Variants in CNOT10 observed in about 807,000 individuals in gnomAD.
The protein encoded by CNOT10 is CCR4-NOT transcription complex, subunit 10.
CNOT10 carries 30 observed loss-of-function variants against 94.6 expected under a neutral mutation model. That is an observed-to-expected ratio of 0.32 (90% CI 0.24 to 0.43). CNOT10 has a LOEUF of 0.43. Ranked by LOEUF, CNOT10 falls within the 20% of genes least tolerant of loss-of-function variation. The probability of loss-of-function intolerance (pLI) is 1.00; values close to 1 mark genes in which losing one functional copy is unlikely to be tolerated. For synonymous variants in CNOT10, 289 were observed against 301.6 expected, an observed-to-expected ratio of 0.96 and a Z score of 0.43; for missense variants, 759 against 877.2, an observed-to-expected ratio of 0.87 and a Z score of 1.70.
intron 1 of CNOT10, chr3:32,693,543 CTT>C (rs374393225): frequency 2.8e-4 from 39 of 136,962 alleles, no homozygotes; most frequent in African/African-American, 2.9e-4. Flanking sequence ...ATATATTGGT[CTT>C]TTTTTTTTTT....
At chr3:32,724,540 G>A (rs917226785) in intron 8 of CNOT10, among the ~76,000 whole-genome samples, 1 of 151,690 alleles carries the variant, frequency 6.6e-6, no homozygotes, top group African/African-American at 2.4e-5. Context: ...AGCCTCCCGA[G>A]TAGCTGGGAC....
At chr3:32,736,015 A>G (rs1039543228) in intron 12 of CNOT10, among the ~76,000 whole-genome samples, 2 of 152,062 alleles carry the variant, frequency 1.3e-5, no homozygotes, top group Non-Finnish European at 2.9e-5. Flanking sequence ...CAAAACACAT[A>G]CCATTATATA....
chr3:32,732,346 C>T lies in CNOT10; in HGVS notation c.1216-1077C>T, dbSNP rs186349973. On this transcript the variant is annotated intron_variant, in intron 10 of 18. Transcript: ENST00000328834. ...TGAAGGTTGCAGTGAGCCGAGACAA[C>T]ACCGCTGCACCCAAGCCTAAAGAAA... is the stretch of plus-strand genomic sequence containing the variant. 1.3e-3 allele frequency among the ~76,000 whole-genome samples: 204 copies of T among 151,912 alleles called. 1 individual carries two copies. Among genetic ancestry groups the T allele is most frequent in the African/African-American group, 4.7e-3 (195 of 41,394 alleles).
rs200752388 is a variant in CNOT10 at position 32,764,693 on chromosome 3, G to C, written c.1888G>C (p.Ala630Pro). The C allele has an allele frequency of 4.2e-5, 68 of 1,613,900 alleles. No individual in the cohort carries two copies. The East Asian group carries it at 1.4e-3, about 34-fold the overall frequency. Residue 630 changes from alanine to proline, a missense_variant, in exon 17 of 19, where the codon GCC becomes CCC. This residue lies in a region of CNOT10 where 682 missense variants were observed against 799.4 expected (regional missense o/e 0.85). Coordinates refer to ENST00000328834, the MANE Select transcript of CNOT10 (RefSeq NM_015442.3). ...CTCTTTTTCCCCAGCTGGTAAGCGG[G>C]CCCCTCAGTGCTACCCCAGTTCCGT... ...NEAMESSGKR[A>P]PQCYPSSVNS...
intron 13 of CNOT10, chr3:32,753,039 G>A (rs1274460298): frequency 4.0e-6 from 2 of 496,384 alleles, no homozygotes; most frequent in African/African-American, 4.0e-5. Context: ...GAAACCAAAT[G>A]ATGCATAATA....
chr3:32,761,649 C>T (rs1172989388), intron 14 of CNOT10, among the ~76,000 whole-genome samples: 1 of 151,468 alleles, frequency 6.6e-6, no homozygotes, highest in African/African-American at 2.4e-5. Context: ...TCTGCCTCCC[C>T]AGTTCAAGGG....
intron 3 of CNOT10, among the ~76,000 whole-genome samples, chr3:32,706,148 AT>A (rs1212387104): frequency 6.6e-6 from 1 of 152,098 alleles, no homozygotes; most frequent in Non-Finnish European, 1.5e-5. Flanking sequence ...GTCTTCATAA[AT>A]TTGTATGTCC....
intron 17 of CNOT10, among the ~76,000 whole-genome samples, chr3:32,768,171 A>T (rs1165387603): frequency 6.6e-6 from 1 of 152,196 alleles, no homozygotes; most frequent in African/African-American, 2.4e-5. Flanking sequence ...ATTAAGTATC[A>T]TAAAGATGTT....
chr3:32,722,980 T>C (rs1698491789), intron 8 of CNOT10, among the ~76,000 whole-genome samples: 1 of 152,218 alleles, frequency 6.6e-6, no homozygotes, highest in Non-Finnish European at 1.5e-5. Flanking sequence ...GTCAGAAGAT[T>C]ACCTTTAGAT....
Position 32,703,947 on chromosome 3 carries a change from T to G in CNOT10, c.102T>G (p.Ala34=), listed in dbSNP as rs540296411. The G allele has an allele frequency of 9.3e-6, 15 of 1,610,956 alleles. No individual in the cohort carries two copies. The highest frequency in any genetic ancestry group is 1.0e-5 in the Non-Finnish European group (12 of 1,177,336). ...TDQEKELSTN[A]FQAFTSGNYD... is the part of the protein sequence containing the mutation. ...AAGAGAAGGAGTTATCCACCAATGC[T>G]TTCCAAGCTTTCACAGTAAGAAATG... Residue 34 remains alanine, a synonymous_variant, in exon 2 of 19, where the codon GCT becomes GCG. Transcript: ENST00000328834.
intron 1 of CNOT10, among the ~76,000 whole-genome samples, chr3:32,689,979 C>A (rs919031721): frequency 2.0e-5 from 3 of 152,044 alleles, no homozygotes; most frequent in Non-Finnish European, 4.4e-5. Flanking sequence ...AGCCAATACA[C>A]ATAATTTATA....
intron 13 of CNOT10, chr3:32,753,991 G>T (rs1254017435): frequency 3.6e-5 from 23 of 632,216 alleles, no homozygotes; most frequent in Non-Finnish European, 2.8e-5. Flanking sequence ...CAGTTACTGG[G>T]AAGGCCACCA....
intron 18 of CNOT10, among the ~76,000 whole-genome samples, chr3:32,772,574 G>A (rs1439930843): frequency 4.6e-5 from 7 of 152,022 alleles, no homozygotes; most frequent in Admixed American, 6.5e-5. Context: ...GCTCATGCCC[G>A]TAATCCCAGC....
intron 18 of CNOT10, 132 bp from the exon 19 acceptor site, chr3:32,773,325 G>T (rs945566806): frequency 1.1e-6 from 1 of 894,918 alleles, no homozygotes; most frequent in Non-Finnish European, 1.7e-6. Flanking sequence ...TGGGATTCCA[G>T]TATACAGCCA....
At position 32,770,040 on chromosome 3, in the gene CNOT10, G is replaced by A. The variant is rs1700829689; in HGVS notation, c.2080+78G>A. ...TTTGGTTGGGAGACAGGGTCTCACT[G>A]TGTTGCCCAGGCTGGAGTGCAGTGG... is the stretch of plus-strand genomic sequence containing the variant. On this transcript the variant is annotated intron_variant, in intron 18 of 18. Transcript: ENST00000328834. 6 of 1,101,126 alleles carry A rather than the reference G, an allele frequency of 5.4e-6. No individual in the cohort carries two copies. The Admixed American group carries it at 1.0e-4, about 19-fold the overall frequency. The allele number at this position is 1,101,126 out of a possible 1,614,324, so 68.2% of individuals were successfully genotyped here.
chr3:32,754,423 G>A (rs1700109183), intron 13 of CNOT10, among the ~76,000 whole-genome samples: 1 of 127,450 alleles, frequency 7.8e-6, no homozygotes. Context: ...CTTGCAGTGA[G>A]CCAAGATCGT....
chr3:32,691,585 A>G (rs1428824937), intron 1 of CNOT10, among the ~76,000 whole-genome samples: 1 of 152,170 alleles, frequency 6.6e-6, no homozygotes, highest in African/African-American at 2.4e-5. Context: ...GATGTGAGCC[A>G]ACACACCTGG....
chr3:32,745,924 T>C (rs1270160313), intron 13 of CNOT10, among the ~76,000 whole-genome samples: 1 of 152,140 alleles, frequency 6.6e-6, no homozygotes, highest in African/African-American at 2.4e-5. Context: ...CCTGTAGGTT[T>C]GAGGCTGCAG....
intron 1 of CNOT10, among the ~76,000 whole-genome samples, chr3:32,690,749 A>G (rs368862125): frequency 0.019 from 2,941 of 151,960 alleles, 42 homozygotes; most frequent in East Asian, 0.047. Flanking sequence ...GGGTTTCACC[A>G]TGTTGGCCAG....
Sources: allele counts gnomAD v4.1 joint callset (sites outside exome capture counted in the v4.1 genomes callset), GRCh38; gene constraint gnomAD v4.1.1; regional missense constraint gnomAD v4.1.1; transcripts MANE v1.5; gene names NCBI Gene and HGNC (gene_info 2026-07-23, HGNC 2026-07-21).